Variants in SLIT2 observed in about 807,000 individuals in gnomAD.
The protein encoded by SLIT2 is slit homolog 2 protein.
Under a neutral mutation model 185.7 loss-of-function variants are expected in SLIT2, and 41 were observed. That is an observed-to-expected ratio of 0.22 (90% CI 0.17 to 0.29). The LOEUF (loss-of-function observed/expected upper bound fraction) is 0.29, where lower values mean the gene tolerates loss of function less well. Among genes scored for constraint, SLIT2 ranks in the 10% least tolerant of loss-of-function variants. The pLI, the probability that SLIT2 is intolerant of heterozygous loss-of-function variation, is 1.00. For synonymous variants in SLIT2, 693 were observed against 680.2 expected, an observed-to-expected ratio of 1.02 and a Z score of -0.29; for missense variants, 1,571 against 1,909.0, an observed-to-expected ratio of 0.82 and a Z score of 3.30.
chr4:20,509,088 A>T (rs1430670167), intron 9 of SLIT2, among the ~76,000 whole-genome samples: 1 of 151,868 alleles, frequency 6.6e-6, no homozygotes, highest in Non-Finnish European at 1.5e-5. Context: ...GAATTAATGT[A>T]TATGACACAT....
intron 4 of SLIT2, among the ~76,000 whole-genome samples, chr4:20,319,820 A>C (rs1026995556): frequency 2.0e-5 from 3 of 151,870 alleles, no homozygotes; most frequent in Non-Finnish European, 4.4e-5. Context: ...ACAAAAAAAA[A>C]ACAAAAACCA....
chr4:20,593,354 T>C (rs1327364082), intron 30 of SLIT2, among the ~76,000 whole-genome samples: 2 of 152,140 alleles, frequency 1.3e-5, no homozygotes, highest in African/African-American at 4.8e-5. Context: ...ATATACTTTA[T>C]GCTAAGTGAA....
At chr4:20,603,999 T>C (rs755973632) in intron 33 of SLIT2, among the ~76,000 whole-genome samples, 43 of 152,234 alleles carry the variant, frequency 2.8e-4, no homozygotes, top group Non-Finnish European at 5.9e-5. Flanking sequence ...TGCTTTATTT[T>C]CCTTATCTCA....
intron 4 of SLIT2, among the ~76,000 whole-genome samples, chr4:20,295,603 C>T (rs917933308): frequency 1.3e-5 from 2 of 152,116 alleles, no homozygotes; most frequent in Admixed American, 6.5e-5. Flanking sequence ...CCAGTCCCTG[C>T]GTCATGCCCC....
chr4:20,274,698 A>G (rs559298088), intron 4 of SLIT2, among the ~76,000 whole-genome samples: 2 of 151,858 alleles, frequency 1.3e-5, no homozygotes, highest in South Asian at 4.2e-4. Context: ...AGCATAGCTC[A>G]TAGCATAAGA....
intron 16 of SLIT2, among the ~76,000 whole-genome samples, chr4:20,531,576 T>C (rs1354597788): frequency 2.6e-5 from 4 of 152,154 alleles, no homozygotes; most frequent in South Asian, 2.1e-4. Context: ...TGTATGACTT[T>C]TAAAGGGTAA....
At chr4:20,420,573 A>G (rs1347777427) in intron 4 of SLIT2, among the ~76,000 whole-genome samples, 3 of 152,092 alleles carry the variant, frequency 2.0e-5, no homozygotes, top group Admixed American at 1.3e-4. Context: ...ACTAGAGGCC[A>G]TAGATTAAAG....
At chr4:20,432,221 G>T (rs1316301162) in intron 4 of SLIT2, among the ~76,000 whole-genome samples, 3 of 151,982 alleles carry the variant, frequency 2.0e-5, no homozygotes, top group Non-Finnish European at 4.4e-5. Flanking sequence ...CAAAACCACT[G>T]GACCTTTCTC....
intron 4 of SLIT2, among the ~76,000 whole-genome samples, chr4:20,433,253 C>A (rs2109508822): frequency 6.6e-6 from 1 of 152,276 alleles, no homozygotes. Flanking sequence ...GCATTTCTGC[C>A]TAATGAACTA....
chr4:20,536,033 G>A (rs1025963396), intron 18 of SLIT2, among the ~76,000 whole-genome samples: 3 of 152,158 alleles, frequency 2.0e-5, no homozygotes, highest in Non-Finnish European at 2.9e-5. Flanking sequence ...ACTGAATACT[G>A]TAGGCAATTG....
chr4:20,556,916 G>T (rs548825821), intron 26 of SLIT2, among the ~76,000 whole-genome samples: 3 of 152,140 alleles, frequency 2.0e-5, no homozygotes, highest in South Asian at 4.1e-4. Context: ...CAGCCTTATT[G>T]CTGATATGGA....
intron 11 of SLIT2, among the ~76,000 whole-genome samples, chr4:20,515,200 C>A (rs1233798396): frequency 6.6e-6 from 1 of 152,096 alleles, no homozygotes; most frequent in Non-Finnish European, 1.5e-5. Flanking sequence ...TCTTCCATCT[C>A]TAAAATGAGG....
chr4:20,521,565 C>A (rs1190628929), intron 12 of SLIT2, among the ~76,000 whole-genome samples: 4 of 152,194 alleles, frequency 2.6e-5, no homozygotes, highest in Non-Finnish European at 5.9e-5. Flanking sequence ...CTAACTGCTT[C>A]ACTCAATTAG....
chr4:20,467,874 A>G (rs771493740), intron 5 of SLIT2, 51 bp downstream of exon 5: 1 of 933,160 alleles, frequency 1.1e-6, no homozygotes, highest in South Asian at 1.7e-5. Context: ...ATCTATTTTC[A>G]AAGTCAAGTT....
In SLIT2 at chr4:20,528,930, T is replaced by C. The variant is rs747636802; in HGVS notation, c.1463-19T>C. On this transcript the variant is annotated intron_variant, in intron 15 of 36. Coordinates refer to ENST00000504154, the MANE Select transcript of SLIT2 (RefSeq NM_004787.4). The surrounding 1 kb of genome is among the most constrained non-coding windows in gnomAD (Gnocchi z 4.2). ...ACCTTTAGACTCAGTATCTTTTTTT[T>C]GGTTTGAATTCTCAATAGGTACAGA... 1.1e-5 allele frequency: 18 copies of C among 1,589,882 alleles called. No individual in the cohort carries two copies. The highest frequency in any genetic ancestry group is 1.7e-5 in the Admixed American group (1 of 57,726).
chr4:20,356,346 C>T lies in SLIT2; in HGVS notation c.395+87465C>T, dbSNP rs573006333. ...TATGGTATTATTTAAGTATCATCAA[C>T]TTTTAATTTTAGTGTGTTTCCATTT... On this transcript the variant is annotated intron_variant, in intron 4 of 36. Coordinates refer to ENST00000504154, the MANE Select transcript of SLIT2 (RefSeq NM_004787.4). 3.2e-4 allele frequency among the ~76,000 whole-genome samples: 49 copies of T among 152,242 alleles called. No individual in the cohort carries two copies. The South Asian group carries it at 9.5e-3, about 30-fold the overall frequency.
chr4:20,547,112 G>A (rs1577902340), intron 22 of SLIT2, among the ~76,000 whole-genome samples: 1 of 152,050 alleles, frequency 6.6e-6, no homozygotes, highest in African/African-American at 2.4e-5. Flanking sequence ...GAAAGTATGG[G>A]TAAATCAAAC....
At chr4:20,564,383 T>C (rs1446074181) in intron 26 of SLIT2, among the ~76,000 whole-genome samples, 1 of 151,884 alleles carries the variant, frequency 6.6e-6, no homozygotes, top group Non-Finnish European at 1.5e-5. Context: ...AAAAATCACA[T>C]TCTGAAAAGG....
At chr4:20,338,873 G>T (rs1577459432) in intron 4 of SLIT2, among the ~76,000 whole-genome samples, 1 of 152,000 alleles carries the variant, frequency 6.6e-6, no homozygotes, top group Admixed American at 6.6e-5. Flanking sequence ...AGGATCGCTT[G>T]AGTCCAGGAG....
Sources: gnomAD v4.1 joint callset for allele counts (sites outside exome capture counted in the v4.1 genomes callset) on GRCh38, gnomAD v4.1.1 for gene constraint, Gnocchi (gnomAD v3.1) non-coding constraint, MANE v1.5 for transcripts, NCBI Gene and HGNC (gene_info 2026-07-23, HGNC 2026-07-21) for gene names.